The following ANKRD28 variants were observed in gnomAD, a reference collection of about 807,000 sequenced individuals.
ANKRD28 encodes the protein ankyrin repeat domain 28.
In ANKRD28, 44 loss-of-function variants were observed where a neutral mutation model predicts 126.5. The observed-to-expected ratio is 0.35, with a 90% confidence interval of 0.27 to 0.45. ANKRD28 has a LOEUF of 0.45. Among genes scored for constraint, ANKRD28 ranks in the 20% least tolerant of loss-of-function variants. ANKRD28 has a pLI of 1.00. For missense variants in ANKRD28, 1,110 were observed against 1,316.6 expected, an observed-to-expected ratio of 0.84 and a Z score of 2.43; for synonymous variants, 442 against 468.5, an observed-to-expected ratio of 0.94 and a Z score of 0.73.
At position 15,697,495 on chromosome 3, in the gene ANKRD28, T is replaced by C. The variant is rs1225727761; in HGVS notation, c.1548-1250A>G. ...TGAAATAAAATACAATAAAAATAAA[T>C]TTAATCATGTGTTTGTTTTTTTTTT... On this transcript the variant is annotated intron_variant, in intron 14 of 27. Coordinates refer to ENST00000683139, the MANE Select transcript of ANKRD28 (RefSeq NM_001349278.2). The C allele has an allele frequency of 2.6e-5, 4 of 152,050 alleles. No homozygotes were observed. The East Asian group carries it at 7.7e-4, about 29-fold the overall frequency. The allele number at this position is 152,050 out of a possible 1,614,324, so 9.4% of individuals were successfully genotyped here. A position where few individuals can be genotyped will look rare whatever the true frequency, so the allele number is the denominator to read the frequency against.
chr3:15,791,860 G>A (rs560234264), intron 2 of ANKRD28, among the ~76,000 whole-genome samples: 3 of 152,100 alleles, frequency 2.0e-5, no homozygotes, highest in Admixed American at 1.3e-4. Flanking sequence ...TCTGACAGGG[G>A]ACTAATAACC....
At chr3:15,694,672 C>A in intron 17 of ANKRD28, 67 bp downstream of exon 17, 1 of 1,406,930 alleles carries the variant, frequency 7.1e-7, no homozygotes, top group South Asian at 1.2e-5. Flanking sequence ...TGAGTCAACA[C>A]AAATAGGTTA....
intron 23 of ANKRD28, among the ~76,000 whole-genome samples, chr3:15,678,934 C>T (rs1329018008): frequency 6.6e-6 from 1 of 152,068 alleles, no homozygotes; most frequent in Non-Finnish European, 1.5e-5. Flanking sequence ...TCTCTCACAC[C>T]AGCCAGTAGT....
At chr3:15,695,337 T>C (rs1306392565) in intron 15 of ANKRD28, 123 bp from the exon 16 acceptor site, 2 of 687,624 alleles carry the variant, frequency 2.9e-6, no homozygotes, top group Non-Finnish European at 5.0e-6. Flanking sequence ...CTCCAAAAAA[T>C]TAGGTGTTTT....
chr3:15,806,677 A>G (rs1233917385), intron 1 of ANKRD28, among the ~76,000 whole-genome samples: 2 of 152,040 alleles, frequency 1.3e-5, no homozygotes, highest in Admixed American at 6.6e-5. Context: ...GCATGCCACC[A>G]CGCCCAGCTA....
At position 15,838,963 on chromosome 3, in the gene ANKRD28, T is replaced by C. The variant is rs2061378745; in HGVS notation, c.27+20414A>G. ...CAATTAATACATGTTACAACATGAA[T>C]GAACCTCAACAACATTTATACCAAA... On this transcript the variant is annotated intron_variant, in intron 1 of 27. Coordinates refer to the ANKRD28 transcript ENST00000399451. The surrounding 1 kb of genome is among the most constrained non-coding windows in gnomAD (Gnocchi z 4.0). 1.3e-5 allele frequency among the ~76,000 whole-genome samples: 2 copies of C among 152,202 alleles called. No homozygotes were observed. The highest frequency in any genetic ancestry group is 1.3e-4 in the Admixed American group (2 of 15,282).
intron 3 of ANKRD28, among the ~76,000 whole-genome samples, chr3:15,763,800 T>C (rs1055592129): frequency 6.6e-6 from 1 of 152,194 alleles, no homozygotes; most frequent in Non-Finnish European, 1.5e-5. Flanking sequence ...TGTACAGCTC[T>C]AAGGCCAATG....
In ANKRD28 at chr3:15,815,764, C is replaced by G. The variant is rs2060819677; in HGVS notation, c.28-20458G>C. Among the ~76,000 whole-genome samples, 1 of 152,146 alleles carries G rather than the reference C, an allele frequency of 6.6e-6. No individual in the cohort carries two copies. Among genetic ancestry groups the G allele is most frequent in the Non-Finnish European group, 1.5e-5 (1 of 68,006 alleles). On this transcript the variant is annotated intron_variant, in intron 1 of 27. Coordinates refer to the ANKRD28 transcript ENST00000399451. The surrounding 1 kb of genome is among the most constrained non-coding windows in gnomAD (Gnocchi z 4.1). ...CAGCTATAGTTCTAAACATAAAAAT[C>G]TGTTATTTCTTCCCTTGTCAAAATT...
In ANKRD28 at chr3:15,838,803, C is replaced by T. The variant is rs2061375230; in HGVS notation, c.27+20574G>A. Among the ~76,000 whole-genome samples the T allele has an allele frequency of 1.3e-5, 2 of 151,704 alleles. No individual in the cohort carries two copies. The highest frequency in any genetic ancestry group is 2.9e-5 in the Non-Finnish European group (2 of 67,930). On this transcript the variant is annotated intron_variant, in intron 1 of 27. Transcript: ENST00000399451. The surrounding 1 kb of genome is among the most constrained non-coding windows in gnomAD (Gnocchi z 4.0). ...GTTAAAACGTGTCCATACACAGACT[C>T]ATACATGAATATTCATAGCAGTATT...
Position 15,690,089 on chromosome 3 carries a change from T to G in ANKRD28, c.1893A>C (p.Val631=), listed in dbSNP as rs2068608273. ...AGATTGAGGCTCCCTGATTAATGAGTACATCCACACATTCAACATGGCCCT... is the reference window on the plus strand; with the variant it reads ...AGATTGAGGCTCCCTGATTAATGAGGACATCCACACATTCAACATGGCCCT... The part of the protein sequence containing the change: ...AFKGHVECVD[V]LINQGASILV... Residue 631 remains valine (V), a synonymous_variant, in exon 18 of 28, where the codon GTA becomes GTC. Transcript: ENST00000683139. 1 of 1,612,398 alleles carries G rather than the reference T, an allele frequency of 6.2e-7. No individual in the cohort carries two copies. The highest frequency in any genetic ancestry group is 8.5e-7 in the Non-Finnish European group (1 of 1,179,198).
chr3:15,742,928 T>C (rs561376528), intron 4 of ANKRD28, among the ~76,000 whole-genome samples: 2 of 150,842 alleles, frequency 1.3e-5, no homozygotes, highest in South Asian at 2.1e-4. Flanking sequence ...TTTTGTGGAA[T>C]AGAAAGGGGG....
At chr3:15,782,606 C>G (rs1027461530) in intron 2 of ANKRD28, among the ~76,000 whole-genome samples, 1 of 152,094 alleles carries the variant, frequency 6.6e-6, no homozygotes, top group African/African-American at 2.4e-5. Flanking sequence ...AGAGGTTACA[C>G]ACATACTGAG....
chr3:15,672,868 T>C (rs955082007), intron 27 of ANKRD28, among the ~76,000 whole-genome samples: 2 of 152,196 alleles, frequency 1.3e-5, no homozygotes, highest in Admixed American at 1.3e-4. Context: ...TTCTGCCTCC[T>C]GGGTTCAAGC....
chr3:15,737,385 T>C (rs1247946535), intron 4 of ANKRD28, among the ~76,000 whole-genome samples, 152 bp from the exon 5 acceptor site: 1 of 151,972 alleles, frequency 6.6e-6, no homozygotes, highest in Non-Finnish European at 1.5e-5. Context: ...AAGTAGGAAT[T>C]TACCCAAGGA....
intron 6 of ANKRD28, among the ~76,000 whole-genome samples, chr3:15,727,154 G>C (rs1450261684): frequency 6.6e-6 from 1 of 152,184 alleles, no homozygotes; most frequent in African/African-American, 2.4e-5. Context: ...TGAATCAAGA[G>C]TAATTTCAAC....
intron 2 of ANKRD28, among the ~76,000 whole-genome samples, chr3:15,791,040 C>T (rs73040253): frequency 0.23 from 35,257 of 151,862 alleles, 4,965 homozygotes; most frequent in South Asian, 0.35. Flanking sequence ...AATAGCCATA[C>T]ATAAAATTAA....
intron 1 of ANKRD28, among the ~76,000 whole-genome samples, chr3:15,807,341 C>T (rs1179409178): frequency 2.0e-5 from 3 of 152,104 alleles, no homozygotes; most frequent in Non-Finnish European, 4.4e-5. Context: ...TTGTAATATT[C>T]GGGATTTCCC....
intron 3 of ANKRD28, among the ~76,000 whole-genome samples, chr3:15,765,795 G>A (rs1027809549): frequency 1.3e-5 from 2 of 149,746 alleles, no homozygotes; most frequent in Non-Finnish European, 1.5e-5. Context: ...AGCTGAGATC[G>A]TGCCACTATA....
chr3:15,840,205 T>C (rs1264130899), intron 1 of ANKRD28, among the ~76,000 whole-genome samples: 1 of 152,156 alleles, frequency 6.6e-6, no homozygotes, highest in Non-Finnish European at 1.5e-5. Flanking sequence ...AGTTGCAAGA[T>C]ACAAAAATCA....
Sources: allele counts gnomAD v4.1 joint callset (sites outside exome capture counted in the v4.1 genomes callset), GRCh38; gene constraint gnomAD v4.1.1; non-coding constraint Gnocchi (gnomAD v3.1); transcripts MANE v1.5; gene names NCBI Gene and HGNC (gene_info 2026-07-23, HGNC 2026-07-21).